Variants in EYS observed in about 807,000 individuals in gnomAD.
EYS encodes EGF-like photoreceptor maintenance factor.
EYS carries 250 observed loss-of-function variants against 282.1 expected under a neutral mutation model. That is an observed-to-expected ratio of 0.89 (90% CI 0.80 to 0.98). EYS has a LOEUF of 0.98. Ranked by LOEUF, EYS falls within the 50% of genes least tolerant of loss-of-function variation. EYS has a pLI of 0.00. For missense variants in EYS, 4,016 were observed against 3,709.0 expected, an observed-to-expected ratio of 1.08 and a Z score of -2.15; for synonymous variants, 1,355 against 1,282.9, an observed-to-expected ratio of 1.06 and a Z score of -1.20.
intron 36 of EYS, among the ~76,000 whole-genome samples, chr6:63,839,309 C>T (rs2149696357): frequency 6.7e-6 from 1 of 148,170 alleles, no homozygotes. Context: ...TGAGAACATG[C>T]AATATTTATC....
intron 1 of EYS, among the ~76,000 whole-genome samples, chr6:65,704,827 T>C (rs1769818579): frequency 1.3e-5 from 2 of 152,224 alleles, no homozygotes; most frequent in Non-Finnish European, 2.9e-5. Flanking sequence ...CTGAGTTCTC[T>C]TGGGGCAAAA....
In EYS at chr6:63,721,632, T is replaced by C. The variant is rs1768396485; in HGVS notation, c.8399A>G (p.Asp2800Gly). The change falls in exon 43 of 43, where the codon GAT becomes GGT. Residue 2800 changes from aspartate to glycine, a missense_variant. Physicochemically the swap from Asp to Gly is moderately conservative, Grantham distance 94. Transcript: ENST00000503581. Reference protein sequence around the residue: ...RVGAEGYLDLDGINVTEKAST... With the variant: ...RVGAEGYLDLGGINVTEKAST... Reference sequence around the variant, plus strand: ...GGCCTTTTCTGTTACATTTATCCCATCTAGATCCAGGTAGCCTTCTGCACC... The same window carrying C: ...GGCCTTTTCTGTTACATTTATCCCACCTAGATCCAGGTAGCCTTCTGCACC... 6.4e-7 allele frequency: 1 copy of C among 1,551,298 alleles called. No homozygotes were observed. Among genetic ancestry groups the C allele is most frequent in the Admixed American group, 2.0e-5 (1 of 50,964 alleles).
intron 7 of EYS, among the ~76,000 whole-genome samples, chr6:65,398,965 T>G (rs1766390075): frequency 6.6e-6 from 1 of 152,094 alleles, no homozygotes; most frequent in Non-Finnish European, 1.5e-5. Flanking sequence ...ACCTCACATC[T>G]AATCCTTCAG....
At chr6:64,576,877 C>T (rs1014470871) in intron 26 of EYS, among the ~76,000 whole-genome samples, 1 of 152,006 alleles carries the variant, frequency 6.6e-6, no homozygotes, top group Admixed American at 6.6e-5. Flanking sequence ...GTCTCAACTT[C>T]CAATAACTCA....
intron 41 of EYS, among the ~76,000 whole-genome samples, chr6:63,761,124 A>G (rs1456873087): frequency 1.3e-5 from 2 of 149,406 alleles, no homozygotes; most frequent in South Asian, 2.1e-4. Context: ...CCTCAGTTCT[A>G]TGAAAGACAA....
intron 37 of EYS, among the ~76,000 whole-genome samples, chr6:63,803,005 A>G (rs1043774306): frequency 6.6e-6 from 1 of 152,244 alleles, no homozygotes; most frequent in African/African-American, 2.4e-5. Flanking sequence ...GTAAGATTTC[A>G]CAATTTAGAA....
At chr6:64,782,230 A>C (rs1050116982) in intron 22 of EYS, among the ~76,000 whole-genome samples, 1 of 152,248 alleles carries the variant, frequency 6.6e-6, no homozygotes, top group African/African-American at 2.4e-5. Flanking sequence ...GAGAATTCTT[A>C]AATGCAATTC....
intron 33 of EYS, among the ~76,000 whole-genome samples, chr6:64,008,727 T>G (rs1396627435): frequency 1.3e-5 from 2 of 152,224 alleles, no homozygotes; most frequent in African/African-American, 2.4e-5. Flanking sequence ...CTTTTAAACT[T>G]AGTTTAACTG....
intron 5 of EYS, among the ~76,000 whole-genome samples, chr6:65,445,578 T>C (rs549832483): frequency 1.3e-5 from 2 of 151,898 alleles, no homozygotes; most frequent in Non-Finnish European, 2.9e-5. Context: ...CTTTTGATTA[T>C]GAAAAAATTT....
chr6:65,628,543 C>T (rs1284961375), intron 2 of EYS, among the ~76,000 whole-genome samples: 3 of 152,144 alleles, frequency 2.0e-5, no homozygotes, highest in East Asian at 1.9e-4. Context: ...TTTGGGTCCA[C>T]GCTGCTTTTA....
At chr6:65,078,568 C>T (rs9445463) in intron 12 of EYS, among the ~76,000 whole-genome samples, 5,936 of 151,996 alleles carry the variant, frequency 0.039, 379 homozygotes, top group African/African-American at 0.13. Flanking sequence ...GAATGAAGTT[C>T]CAAATGTAGA....
At chr6:63,801,370 G>A (rs994920572) in intron 37 of EYS, among the ~76,000 whole-genome samples, 2 of 152,184 alleles carry the variant, frequency 1.3e-5, no homozygotes, top group Non-Finnish European at 2.9e-5. Flanking sequence ...GACCTCGTCT[G>A]TCTTGTTAAT....
At chr6:65,110,602 T>G (rs935424080) in intron 12 of EYS, among the ~76,000 whole-genome samples, 1 of 152,080 alleles carries the variant, frequency 6.6e-6, no homozygotes, top group African/African-American at 2.4e-5. Flanking sequence ...TTTCCACGTA[T>G]CATCCCTATT....
chr6:64,828,525 G>T (rs530825797), intron 19 of EYS, among the ~76,000 whole-genome samples: 10 of 151,962 alleles, frequency 6.6e-5, no homozygotes, highest in Non-Finnish European at 1.3e-4. Context: ...ATCATAGACT[G>T]AGGCTCTGGA....
intron 22 of EYS, among the ~76,000 whole-genome samples, chr6:64,727,599 T>A (rs769461960): frequency 1.3e-5 from 2 of 152,198 alleles, no homozygotes; most frequent in Non-Finnish European, 2.9e-5. Context: ...GAATTTCTTG[T>A]GAATGAAGAT....
rs369879898 is a variant in EYS, at chr6:64,611,525, A to T, written c.3684+5893T>A. Among the ~76,000 whole-genome samples, 29 of 152,238 alleles carry T rather than the reference A, an allele frequency of 1.9e-4. 1 individual carries two copies. The East Asian group carries it at 5.6e-3, about 29-fold the overall frequency. ...TGACTTCCTTATTATCCCACACATT[A>T]TTTGTCTCTTCCATACAGCTGAATG... On this transcript the variant is annotated intron_variant, in intron 24 of 42. Coordinates refer to ENST00000503581, the MANE Select transcript of EYS (RefSeq NM_001142800.2).
chr6:65,291,524 T>C (rs940310596), intron 12 of EYS, among the ~76,000 whole-genome samples: 3 of 151,582 alleles, frequency 2.0e-5, no homozygotes, highest in African/African-American at 4.8e-5. Context: ...TCAACATTCA[T>C]GTGTTATTTT....
intron 22 of EYS, among the ~76,000 whole-genome samples, chr6:64,730,220 G>T (rs144407509): frequency 1.5e-4 from 23 of 152,270 alleles, no homozygotes; most frequent in African/African-American, 5.1e-4. Flanking sequence ...CAAAGCTTTG[G>T]CTCAGCTGAG....
chr6:65,453,764 G>T (rs1764498943), intron 5 of EYS, among the ~76,000 whole-genome samples: 1 of 151,886 alleles, frequency 6.6e-6, no homozygotes, highest in African/African-American at 2.4e-5. Flanking sequence ...CCAGGTATGA[G>T]TGAGATCATG....
Sources: gnomAD v4.1 joint callset for allele counts (sites outside exome capture counted in the v4.1 genomes callset) on GRCh38, gnomAD v4.1.1 for gene constraint, MANE v1.5 for transcripts, NCBI Gene and HGNC (gene_info 2026-07-23, HGNC 2026-07-21) for gene names.